DMXL2: variants seen among roughly 807,000 people sequenced by gnomAD.
DMXL2 encodes Dmx like 2, also known as dmX-like protein 2.
A neutral mutation model predicts 331.1 loss-of-function variants in DMXL2; 103 were observed. The observed-to-expected ratio is 0.31, with a 90% CI of 0.27 to 0.37. The LOEUF is 0.37. DMXL2 is among the 10% of genes least tolerant of loss of function. The pLI is 1.00. For synonymous variants in DMXL2, 1,281 were observed against 1,252.1 expected (o/e 1.02, Z -0.49); for missense variants, 3,171 against 3,642.9 (o/e 0.87, Z 3.33).
At chr15:51,489,003 T>G (rs1325967693) in intron 20 of DMXL2, among the ~76,000 whole-genome samples, 1 of 152,160 alleles carries the variant, frequency 6.6e-6, no homozygotes, top group Non-Finnish European at 1.5e-5. Flanking sequence ...AAAGGTTAAG[T>G]GAATTGCCTA....
At chr15:51,572,084 A>G (rs998986044) in intron 2 of DMXL2, among the ~76,000 whole-genome samples, 2 of 152,172 alleles carry the variant, frequency 1.3e-5, no homozygotes, top group African/African-American at 2.4e-5. Flanking sequence ...TAGACACAAT[A>G]GAAAATGATA....
intron 36 of DMXL2, 65 bp downstream of exon 36, chr15:51,458,439 ATG>A: frequency 6.6e-7 from 1 of 1,517,596 alleles, no homozygotes; most frequent in Non-Finnish European, 9.0e-7. Flanking sequence ...AATTCAAATC[ATG>A]TGCATAACCA....
At chr15:51,596,769 T>C (rs970947066) in intron 1 of DMXL2, among the ~76,000 whole-genome samples, 1 of 152,124 alleles carries the variant, frequency 6.6e-6, no homozygotes, top group Non-Finnish European at 1.5e-5. Context: ...ATGTCCTTTG[T>C]AGGAACATGG....
chr15:51,469,608 A>C (rs1245850375), intron 29 of DMXL2, among the ~76,000 whole-genome samples: 4 of 152,110 alleles, frequency 2.6e-5, no homozygotes, highest in Admixed American at 2.6e-4. Context: ...AATATTTTGC[A>C]TTTTCCAAAT....
Position 51,480,129 on chromosome 15 carries a change from A to T in DMXL2, c.6575T>A (p.Val2192Glu), listed in dbSNP as rs1384790016. The change falls in exon 25 of 44, where the codon GTA (valine) becomes GAA (glutamate). Residue 2192 changes from valine to glutamate, a missense_variant. This residue lies in a region of DMXL2 where 197 missense variants were observed against 196.2 expected (regional missense o/e 1.00). Coordinates refer to ENST00000560891, the MANE Select transcript of DMXL2 (RefSeq NM_001378457.1). ...TGGTAGTGGAGACTGGAGCTGCTTT[A>T]CTGTAGTTTCCTGTGGGTGATAGTG... ...LLQESQQETT[V>E]KQLQSPLPLP... 6.5e-7 allele frequency: 1 copy of T among 1,544,122 alleles called. No individual in the cohort carries two copies. Among genetic ancestry groups the T allele is most frequent in the Admixed American group, 1.9e-5 (1 of 52,610 alleles).
chr15:51,498,654 G>A lies in DMXL2; in HGVS notation c.4570C>T (p.Pro1524Ser). 1.2e-6 allele frequency: 2 copies of A among 1,614,162 alleles called. No individual in the cohort carries two copies. Among genetic ancestry groups the A allele is most frequent in the Non-Finnish European group, 1.7e-6 (2 of 1,180,024 alleles). Residue 1524 changes from proline to serine, a missense_variant, in exon 18 of 44, where the codon CCA (proline) becomes TCA (serine). This residue lies in a region of DMXL2 where 252 missense variants were observed against 387.4 expected (regional missense o/e 0.65). Transcript: ENST00000560891. ...ATCTGCTCCAAACGGGTAAGGCCTG[G>A]TAGACTTGAGTGCATAAGATGACTT... The part of the protein sequence containing the change: ...LSSHLMHSSL[P>S]GLTRLEQMFL...
chr15:51,550,491 T>G (rs2049147508), intron 6 of DMXL2, among the ~76,000 whole-genome samples: 1 of 152,176 alleles, frequency 6.6e-6, no homozygotes, highest in African/African-American at 2.4e-5. Context: ...AAATACTTAA[T>G]GTTTTTTATG....
intron 1 of DMXL2, among the ~76,000 whole-genome samples, chr15:51,602,094 G>A (rs1467482435): frequency 6.6e-6 from 1 of 152,144 alleles, no homozygotes; most frequent in African/African-American, 2.4e-5. Context: ...GCTATTTGAG[G>A]ACTCTTAATA....
At chr15:51,566,029 A>C (rs2050247086) in intron 3 of DMXL2, among the ~76,000 whole-genome samples, 2 of 152,248 alleles carry the variant, frequency 1.3e-5, no homozygotes. Flanking sequence ...GCAACATTGC[A>C]AGACCCCCAT....
In DMXL2 at chr15:51,450,328, T is replaced by C. The variant is rs753811265; in HGVS notation, c.8768A>G (p.His2923Arg). 1.2e-6 allele frequency: 2 copies of C among 1,613,890 alleles called. No homozygotes were observed. The highest frequency in any genetic ancestry group is 1.7e-5 in the Admixed American group (1 of 59,984). The change falls in exon 43 of 44, where the codon CAT (histidine) becomes CGT (arginine). Residue 2923 changes from histidine (H) to arginine (R), a missense_variant. This residue lies in a region of DMXL2 where 766 missense variants were observed against 940.5 expected (regional missense o/e 0.81). Transcript: ENST00000560891. ...SLIHGFTCHDHGATVLQYAPK... is the reference protein window; with the variant it reads ...SLIHGFTCHDRGATVLQYAPK... ...TGCATACTGCAGTACCGTGGCACCA[T>C]GATCGTGGCACGTGAAACCTGAAGA...
chr15:51,454,595 C>CA (rs1205094221), intron 40 of DMXL2, among the ~76,000 whole-genome samples: 1 of 152,138 alleles, frequency 6.6e-6, no homozygotes, highest in Non-Finnish European at 1.5e-5. Flanking sequence ...CTCCTGGGTT[C>CA]AAGCGATTCT....
chr15:51,573,964 T>C (rs1462728286), intron 2 of DMXL2, among the ~76,000 whole-genome samples: 1 of 152,012 alleles, frequency 6.6e-6, no homozygotes, highest in African/African-American at 2.4e-5. Flanking sequence ...AACTTTATAA[T>C]CCAGTGAAAA....
chr15:51,557,202 C>CATAAAG (rs1439473918), intron 6 of DMXL2, among the ~76,000 whole-genome samples: 1 of 152,094 alleles, frequency 6.6e-6, no homozygotes, highest in Non-Finnish European at 1.5e-5. Context: ...GGGTGCTGGG[C>CATAAAG]ATAAAGCCAA....
At chr15:51,598,977 C>T (rs185494041) in intron 1 of DMXL2, among the ~76,000 whole-genome samples, 3 of 152,334 alleles carry the variant, frequency 2.0e-5, no homozygotes, top group Non-Finnish European at 4.4e-5. Context: ...CTAATTCCAT[C>T]GTTGCATCAT....
intron 6 of DMXL2, among the ~76,000 whole-genome samples, chr15:51,556,357 A>G (rs145620375): frequency 6.3e-4 from 4 of 6,388 alleles, no homozygotes; most frequent in East Asian, 0.038. Context: ...AAAAAAAAGA[A>G]AAAAAAAAAA....
chr15:51,537,543 A>G lies in DMXL2; in HGVS notation c.1562T>C (p.Val521Ala), dbSNP rs763128984. ...TTCATCCAAATACTTCACATGCCAC[A>G]CTAGAAAGGTACCATCTACAGGGTG... ...TIHPVDGTFLVWHVKYLDEYN... is the reference protein window; with the variant it reads ...TIHPVDGTFLAWHVKYLDEYN... Residue 521 changes from valine (V) to alanine (A), a missense_variant, in exon 11 of 44, where the codon GTG becomes GCG. Physicochemically the swap from Val to Ala is moderately conservative, Grantham distance 64. Around this residue, in one of 7 missense-constraint regions of DMXL2, gnomAD observed 1,674 missense variants for 1,780.2 expected, o/e 0.94. Coordinates refer to ENST00000560891, the MANE Select transcript of DMXL2 (RefSeq NM_001378457.1). 1.9e-6 allele frequency: 3 copies of G among 1,613,720 alleles called. No individual in the cohort carries two copies. The highest frequency in any genetic ancestry group is 8.5e-7 in the Non-Finnish European group (1 of 1,179,852).
chr15:51,546,156 T>C (rs149913233), intron 7 of DMXL2, among the ~76,000 whole-genome samples: 4 of 152,292 alleles, frequency 2.6e-5, no homozygotes, highest in African/African-American at 9.6e-5. Context: ...TCCTCCTTCC[T>C]ATAACCCAAA....
At position 51,494,816 on chromosome 15, in the gene DMXL2, A is replaced by T. The variant is rs972738335; in HGVS notation, c.4783+208T>A. On this transcript the variant is annotated intron_variant, in intron 19 of 43. Coordinates refer to ENST00000560891, the MANE Select transcript of DMXL2 (RefSeq NM_001378457.1). Reference sequence around the variant, plus strand: ...CTACTCTAGTAAATAAATTCTAAAAAACTTAGTTAGATGAGCAAAAGTCAC... The same window carrying T: ...CTACTCTAGTAAATAAATTCTAAAATACTTAGTTAGATGAGCAAAAGTCAC... Among the ~76,000 whole-genome samples the T allele has an allele frequency of 3.3e-5, 5 of 152,280 alleles. No individual in the cohort carries two copies. In the East Asian group the frequency reaches 7.7e-4, roughly 23 times the overall value.
Position 51,448,619 on chromosome 15 carries a change from G to A in DMXL2, c.*365C>T. On this transcript the variant is annotated 3_prime_UTR_variant, in exon 44 of 44. Transcript: ENST00000560891. ...GCAGGCATGCTTCAGTCAGTGGTAA[G>A]AACAGGAAGAAAAACCCAAATCAGC... 1 of 298,710 alleles carries A rather than the reference G, an allele frequency of 3.3e-6. No individual in the cohort carries two copies. The highest frequency in any genetic ancestry group is 6.5e-6 in the Non-Finnish European group (1 of 153,962). 18.5% of individuals were successfully genotyped at this position (298,710 alleles called of 1,614,324 possible).
Sources: gnomAD v4.1 joint callset for allele counts (sites outside exome capture counted in the v4.1 genomes callset) on GRCh38, gnomAD v4.1.1 for gene constraint, gnomAD v4.1.1 regional missense constraint, MANE v1.5 for transcripts, NCBI Gene and HGNC (gene_info 2026-07-23, HGNC 2026-07-21) for gene names.